The following KIF13B variants were observed in gnomAD, a reference collection of about 807,000 sequenced individuals.
KIF13B encodes the protein kinesin-like protein KIF13B.
Under a neutral mutation model 222.0 loss-of-function variants are expected in KIF13B, and 127 were observed. The ratio of observed to expected loss-of-function variants is 0.57; its 90% CI spans 0.50 to 0.66. KIF13B has a LOEUF of 0.66. Among genes scored for constraint, KIF13B ranks in the 30% least tolerant of loss-of-function variants. KIF13B has a pLI of 0.00. For missense variants in KIF13B, 2,173 were observed against 2,379.0 expected (o/e 0.91, Z 1.80); for synonymous variants, 976 against 919.0 (o/e 1.06, Z -1.12).
intron 1 of KIF13B, among the ~76,000 whole-genome samples, chr8:29,252,268 T>C (rs1432729348): frequency 1.3e-5 from 2 of 152,204 alleles, no homozygotes; most frequent in Non-Finnish European, 2.9e-5. Context: ...AACAAGTCTT[T>C]CTTCGCTGTA....
At chr8:29,183,978 T>A (rs1426595698) in intron 6 of KIF13B, among the ~76,000 whole-genome samples, 1 of 152,194 alleles carries the variant, frequency 6.6e-6, no homozygotes, top group Non-Finnish European at 1.5e-5. Flanking sequence ...AATCAGGGGA[T>A]AAGGAAATGA....
intron 23 of KIF13B, among the ~76,000 whole-genome samples, chr8:29,131,024 T>C (rs1335567765): frequency 6.6e-6 from 1 of 152,162 alleles, no homozygotes. Flanking sequence ...TTGCAGCAAC[T>C]TGGATACAGC....
At chr8:29,073,266 C>T (rs1315013911) in intron 38 of KIF13B, among the ~76,000 whole-genome samples, 1 of 152,102 alleles carries the variant, frequency 6.6e-6, no homozygotes, top group African/African-American at 2.4e-5. Context: ...GCTGGGGGGG[C>T]CTCGGACCCT....
rs182475222 is a variant in KIF13B at position 29,128,488 on chromosome 8, C to T, written c.3076-1220G>A. Among the ~76,000 whole-genome samples the T allele has an allele frequency of 2.0e-5, 3 of 152,288 alleles. No individual in the cohort carries two copies. The East Asian group carries it at 5.8e-4, about 29-fold the overall frequency. Reference sequence around the variant, plus strand: ...CAGATGTTTTCTGATTTAATATCACCAAGGACTAAGCCTCAGATATTTTGT... The same window carrying T: ...CAGATGTTTTCTGATTTAATATCACTAAGGACTAAGCCTCAGATATTTTGT... On this transcript the variant is annotated intron_variant, in intron 24 of 39. Transcript: ENST00000524189.
rs1808109397 is a variant in KIF13B, at chr8:29,087,804, C to T, written c.4458+4941G>A. On this transcript the variant is annotated intron_variant, in intron 37 of 39. Transcript: ENST00000524189. The stretch of plus-strand genomic sequence containing the variant: ...TGAGATGTGGGAGACTCATCTAGAG[C>T]TGTTAAGATGGGGGAGGTCTGAGAG... 3.9e-5 allele frequency among the ~76,000 whole-genome samples: 6 copies of T among 152,120 alleles called. 1 individual carries two copies. The highest frequency in any genetic ancestry group is 1.4e-4 in the African/African-American group (6 of 41,470).
chr8:29,175,937 G>A (rs1812458816), intron 10 of KIF13B, 131 bp downstream of exon 10: 3 of 660,242 alleles, frequency 4.5e-6, no homozygotes, highest in Admixed American at 2.8e-5. Flanking sequence ...ATTACCATAA[G>A]AGCCTAATAA....
chr8:29,129,494 A>T (rs1218244183), intron 24 of KIF13B, among the ~76,000 whole-genome samples: 2 of 152,210 alleles, frequency 1.3e-5, no homozygotes, highest in Non-Finnish European at 2.9e-5. Flanking sequence ...TTAAACATGT[A>T]AGCAAATGTT....
At chr8:29,136,459 A>T (rs2129882952) in intron 21 of KIF13B, among the ~76,000 whole-genome samples, 1 of 152,246 alleles carries the variant, frequency 6.6e-6, no homozygotes, top group East Asian at 1.9e-4. Flanking sequence ...ACGTGCCTGT[A>T]ATCCCAGCTA....
chr8:29,089,664 C>T (rs962610977), intron 37 of KIF13B, among the ~76,000 whole-genome samples: 1 of 152,078 alleles, frequency 6.6e-6, no homozygotes, highest in African/African-American at 2.4e-5. Flanking sequence ...GAGGCTGAGG[C>T]GGGTAGATCA....
chr8:29,122,280 T>C (rs1367242139), intron 29 of KIF13B, among the ~76,000 whole-genome samples: 13 of 152,054 alleles, frequency 8.5e-5, no homozygotes, highest in Non-Finnish European at 1.9e-4. Flanking sequence ...AATAAATAAA[T>C]TAGAAAATAT....
intron 2 of KIF13B, among the ~76,000 whole-genome samples, chr8:29,214,165 C>A (rs951324983): frequency 6.6e-6 from 1 of 152,162 alleles, no homozygotes; most frequent in Non-Finnish European, 1.5e-5. Flanking sequence ...TAACACTGTG[C>A]ACTTAGGCTA....
Position 29,099,209 on chromosome 8 carries a change from T to G in KIF13B, c.4248A>C (p.Gln1416His). 6.2e-7 allele frequency: 1 copy of G among 1,613,692 alleles called. No individual in the cohort carries two copies. The change falls in exon 36 of 40, where the codon CAA becomes CAC. Residue 1416 changes from glutamine (Q) to histidine (H), a missense_variant. Physicochemically the swap from Gln to His is conservative, Grantham distance 24. Around this residue, in one of 2 missense-constraint regions of KIF13B, gnomAD observed 693 missense variants for 656.2 expected, o/e 1.06. Transcript: ENST00000524189. Reference protein sequence around the residue: ...GRWESQQDVSQTTVSRGIAPA... With the variant: ...GRWESQQDVSHTTVSRGIAPA... ...GAGCTATTCCTCTGGAAACTGTGGTTTGGGATACATCCTGCTGACTTTCCC... is the reference window on the plus strand; with the variant it reads ...GAGCTATTCCTCTGGAAACTGTGGTGTGGGATACATCCTGCTGACTTTCCC...
At chr8:29,075,852 C>G (rs1807534351) in intron 37 of KIF13B, among the ~76,000 whole-genome samples, 1 of 152,220 alleles carries the variant, frequency 6.6e-6, no homozygotes, top group Non-Finnish European at 1.5e-5. Flanking sequence ...TAACCCTACT[C>G]AGGAGAGGAA....
chr8:29,106,163 C>T (rs1407735936), intron 35 of KIF13B, among the ~76,000 whole-genome samples: 1 of 152,186 alleles, frequency 6.6e-6, no homozygotes, highest in South Asian at 2.1e-4. Flanking sequence ...TGCTAAGCTA[C>T]AGCTAATCAA....
In KIF13B at chr8:29,071,052, GAGT is replaced by G. The variant is rs1343202601; in HGVS notation, c.5219-289_5219-287del. ...GGTGACAGGCCCTGGGGGCCCTGGG[GAGT>G]GCCTTGTGGAAGCATAGGTGCAGGC... is the stretch of plus-strand genomic sequence containing the variant. On this transcript the variant is annotated intron_variant, in intron 39 of 39. Coordinates refer to ENST00000524189, the MANE Select transcript of KIF13B (RefSeq NM_015254.4). The surrounding 1 kb of genome is among the most constrained non-coding windows in gnomAD (Gnocchi z 4.9). Among the ~76,000 whole-genome samples, 1 of 152,208 alleles carries G rather than the reference GAGT, an allele frequency of 6.6e-6. No homozygotes were observed. The highest frequency in any genetic ancestry group is 1.9e-4 in the East Asian group (1 of 5,186).
chr8:29,145,212 A>T (rs931707714), intron 18 of KIF13B, among the ~76,000 whole-genome samples: 1 of 152,224 alleles, frequency 6.6e-6, no homozygotes, highest in South Asian at 2.1e-4. Context: ...AAAAACAATG[A>T]TCTGTAAAGT....
upstream of KIF13B, chr8:29,263,103 C>T: frequency 6.8e-7 from 1 of 1,464,260 alleles, no homozygotes; most frequent in Non-Finnish European, 9.2e-7. Flanking sequence ...CGGGGTTGAC[C>T]CGGCGGGAGG....
chr8:29,243,092 A>G (rs1815853041), intron 2 of KIF13B, among the ~76,000 whole-genome samples: 1 of 152,200 alleles, frequency 6.6e-6, no homozygotes, highest in African/African-American at 2.4e-5. Context: ...CACGCCTGTA[A>G]TCTCAGCATT....
At position 29,099,243 on chromosome 8, in the gene KIF13B, T is replaced by C. The variant is rs1679703620; in HGVS notation, c.4216-2A>G. 3.1e-6 allele frequency: 5 copies of C among 1,590,556 alleles called. No homozygotes were observed. The highest frequency in any genetic ancestry group is 4.3e-6 in the Non-Finnish European group (5 of 1,170,484). On this transcript the variant is annotated splice_acceptor_variant, in intron 35 of 39. Transcript: ENST00000524189. LOFTEE classifies it high-confidence loss of function. ...ATCCTGCTGACTTTCCCACCGGCCC[T>C]AGTAAAGACAAAATTGGCAATTTTG...
Sources: allele counts gnomAD v4.1 joint callset (sites outside exome capture counted in the v4.1 genomes callset), GRCh38; gene constraint gnomAD v4.1.1; regional missense constraint gnomAD v4.1.1; non-coding constraint Gnocchi (gnomAD v3.1); transcripts MANE v1.5; gene names NCBI Gene and HGNC (gene_info 2026-07-23, HGNC 2026-07-21).